TGDS: variants seen among roughly 807,000 people sequenced by gnomAD.
TGDS encodes UDP-D-glucose 4,6-dehydratase.
Under a neutral mutation model 52.3 loss-of-function variants are expected in TGDS, and 47 were observed. The ratio of observed to expected loss-of-function variants is 0.90; its 90% CI spans 0.71 to 1.15. The LOEUF is 1.15. TGDS is among the 50% of genes most tolerant of loss of function. The pLI, the probability that TGDS is intolerant of heterozygous loss-of-function variation, is 0.00. For synonymous variants in TGDS, 115 were observed against 136.9 expected (o/e 0.84, Z 1.12); for missense variants, 375 against 418.4 (o/e 0.90, Z 0.90).
intron 4 of TGDS, among the ~76,000 whole-genome samples, chr13:94,586,878 C>G (rs1037421797): frequency 2.0e-5 from 3 of 151,354 alleles, no homozygotes; most frequent in Admixed American, 6.6e-5. Context: ...CTCACCTCAG[C>G]CTCCCAAGTA....
intron 4 of TGDS, 101 bp from the exon 5 acceptor site, chr13:94,583,337 T>C (rs1403663540): frequency 4.1e-6 from 5 of 1,209,170 alleles, no homozygotes; most frequent in Non-Finnish European, 4.5e-6. Context: ...TCACTGTTCT[T>C]CATTTACCAC....
intron 6 of TGDS, 52 bp from the exon 7 acceptor site, chr13:94,580,005 T>C: frequency 3.3e-6 from 4 of 1,224,942 alleles, no homozygotes; most frequent in East Asian, 4.8e-5. Flanking sequence ...ATAATAATGA[T>C]TATTTTAAAG....
chr13:94,578,116 A>C lies in TGDS; in HGVS notation c.714T>G (p.Val238=), dbSNP rs143780872. ...TGAGGACAGTGAGAAATGCTTCTAC[A>C]ACATCAGTAGCATAAAGGAAGTTTC... The part of the protein sequence containing the change: ...QTRNFLYATD[V]VEAFLTVLKK... Residue 238 remains valine, a synonymous_variant, in exon 9 of 12, where the codon GTT becomes GTG. Coordinates refer to ENST00000261296, the MANE Select transcript of TGDS (RefSeq NM_014305.4). 63 of 1,613,866 alleles carry C rather than the reference A, an allele frequency of 3.9e-5. No homozygotes were observed. The African/African-American group carries it at 6.9e-4, about 18-fold the overall frequency.
At chr13:94,578,221 C>T (rs754971764) in intron 8 of TGDS, 51 bp from the exon 9 acceptor site, 22 of 1,566,358 alleles carry the variant, frequency 1.4e-5, no homozygotes, top group Non-Finnish European at 7.0e-6. Flanking sequence ...GGTAAACTCT[C>T]CTAAAGCATT....
At position 94,578,141 on chromosome 13, in the gene TGDS, C is replaced by CT; in HGVS notation, c.688dup (p.Arg230LysfsTer8). 6.2e-7 allele frequency: 1 copy of CT among 1,613,698 alleles called. No homozygotes were observed. The highest frequency in any genetic ancestry group is 8.5e-7 in the Non-Finnish European group (1 of 1,179,818). On this transcript the variant is annotated frameshift_variant, in exon 9 of 12. Transcript: ENST00000261296. LOFTEE classifies it high-confidence loss of function. ...AACATCAGTAGCATAAAGGAAGTTTCTTGTTTGAAGCCCTGACCCATGAAT... is the reference window on the plus strand; with the variant it reads ...AACATCAGTAGCATAAAGGAAGTTTCTTTGTTTGAAGCCCTGACCCATGAAT...
At chr13:94,590,473 T>C (rs1015359458) in intron 4 of TGDS, among the ~76,000 whole-genome samples, 1 of 152,066 alleles carries the variant, frequency 6.6e-6, no homozygotes, top group Non-Finnish European at 1.5e-5. Flanking sequence ...TTATATTTCA[T>C]AATAAAACTG....
intron 4 of TGDS, among the ~76,000 whole-genome samples, chr13:94,586,146 C>T (rs751375042): frequency 2.0e-5 from 3 of 151,868 alleles, no homozygotes; most frequent in Non-Finnish European, 4.4e-5. Context: ...GAAAAGAAAG[C>T]GTACAGTAAG....
intron 3 of TGDS, among the ~76,000 whole-genome samples, chr13:94,591,679 A>G (rs960475194): frequency 2.6e-5 from 4 of 152,224 alleles, no homozygotes; most frequent in Non-Finnish European, 5.9e-5. Flanking sequence ...TAATGTTTAT[A>G]TGTACATTTA....
Position 94,576,396 on chromosome 13 carries a change from C to G in TGDS, c.900G>C (p.Met300Ile). The change falls in exon 11 of 12, where the codon ATG (methionine) becomes ATC (isoleucine). Residue 300 changes from methionine (M) to isoleucine (I), a missense_variant. Physicochemically the swap from Met to Ile is conservative, Grantham distance 10 (BLOSUM62 1). Coordinates refer to ENST00000261296, the MANE Select transcript of TGDS (RefSeq NM_014305.4). ...TTTTTTCTGACTTCATTGGGTATCT[C>G]ATGTCATTGGTGGGTCTTGGAAAAC... ...DYVNDRPTND[M>I]RYPMKSEKIH... 3.8e-6 allele frequency: 6 copies of G among 1,594,628 alleles called. No individual in the cohort carries two copies. Among genetic ancestry groups the G allele is most frequent in the Non-Finnish European group, 5.1e-6 (6 of 1,170,430 alleles).
At chr13:94,588,611 C>T (rs1177513486) in intron 4 of TGDS, among the ~76,000 whole-genome samples, 1 of 151,910 alleles carries the variant, frequency 6.6e-6, no homozygotes, top group Non-Finnish European at 1.5e-5. Flanking sequence ...GATATACTAA[C>T]AAAGAGAGGG....
chr13:94,580,659 G>C (rs1160176536), intron 6 of TGDS, among the ~76,000 whole-genome samples: 4 of 152,102 alleles, frequency 2.6e-5, no homozygotes, highest in Admixed American at 6.6e-5. Context: ...GACTATAGCT[G>C]TAACACTCTA....
intron 4 of TGDS, among the ~76,000 whole-genome samples, chr13:94,584,571 A>G (rs9556403): frequency 0.33 from 50,302 of 152,160 alleles, 9,700 homozygotes; most frequent in East Asian, 0.56. Flanking sequence ...TTGTTAACTG[A>G]AAAAGCCTTG....
chr13:94,578,187 A>C lies in TGDS; in HGVS notation c.660-17T>G, dbSNP rs772313157. On this transcript the variant is annotated splice_polypyrimidine_tract_variant and intron_variant, in intron 8 of 11. Transcript: ENST00000261296. ...TGAATGCAACTAAAGAGATTAAACG[A>C]AGTGAAATCATAAAGTGTAAAAAGG... 5 of 1,611,626 alleles carry C rather than the reference A, an allele frequency of 3.1e-6. No individual in the cohort carries two copies. The highest frequency in any genetic ancestry group is 4.2e-6 in the Non-Finnish European group (5 of 1,179,052).
At position 94,589,618 on chromosome 13, in the gene TGDS, T is replaced by C. The variant is rs556749879; in HGVS notation, c.313+1235A>G. Among the ~76,000 whole-genome samples the C allele has an allele frequency of 3.9e-5, 6 of 152,098 alleles. No homozygotes were observed. In the South Asian group the frequency reaches 1.2e-3, roughly 32 times the overall value. ...CGTGAGCCACCGCTCCCGGCCAAAATGGACAAAAGATTTCAACAGCATTTC... is the reference window on the plus strand; with the variant it reads ...CGTGAGCCACCGCTCCCGGCCAAAACGGACAAAAGATTTCAACAGCATTTC... On this transcript the variant is annotated intron_variant, in intron 4 of 11. Transcript: ENST00000261296.
rs1487481097 is a variant in TGDS at position 94,592,190 on chromosome 13, A to C, written c.222+51T>G. 3 of 1,360,522 alleles carry C rather than the reference A, an allele frequency of 2.2e-6. No homozygotes were observed. The Admixed American group carries it at 6.6e-5, about 30-fold the overall frequency. The allele number at this position is 1,360,522 out of a possible 1,614,324, so 84.3% of individuals were successfully genotyped here. A position where few individuals can be genotyped will look rare whatever the true frequency, so the allele number is the denominator to read the frequency against. ...GTTTGTAAAGTACAAAGATACTATA[A>C]TCTCTGCATGACTAAAGAGGCACGG... On this transcript the variant is annotated intron_variant, in intron 3 of 11. Transcript: ENST00000261296.
chr13:94,577,967 A>G (rs753067114), intron 9 of TGDS, 38 bp downstream of exon 9: 15 of 1,591,194 alleles, frequency 9.4e-6, no homozygotes, highest in Middle Eastern at 1.8e-4. Flanking sequence ...TGCCACTAAC[A>G]ATTTTGAAAA....
chr13:94,584,104 A>T (rs747057596), intron 4 of TGDS, among the ~76,000 whole-genome samples: 1 of 152,210 alleles, frequency 6.6e-6, no homozygotes, highest in African/African-American at 2.4e-5. Context: ...GATGATGTAA[A>T]ATGTTTACAA....
intron 3 of TGDS, 45 bp downstream of exon 3, chr13:94,592,196 G>A: frequency 7.1e-7 from 1 of 1,409,020 alleles, no homozygotes; most frequent in Non-Finnish European, 9.8e-7. Flanking sequence ...TATAATCTCT[G>A]CATGACTAAA....
At position 94,578,053 on chromosome 13, in the gene TGDS, G is replaced by C. The variant is rs770302364; in HGVS notation, c.777C>G (p.Thr259=). The part of the protein sequence containing the change: ...GKPGEIYNIG[T]NFEMSVVQLA... ...GCTGGACAACTGACATTTCAAAATT[G>C]GTTCCGATGTTATAAATTTCACCTG... The change falls in exon 9 of 12, where the codon ACC becomes ACG. Residue 259 remains threonine (T), a synonymous_variant. Coordinates refer to ENST00000261296, the MANE Select transcript of TGDS (RefSeq NM_014305.4). 4.3e-6 allele frequency: 7 copies of C among 1,613,712 alleles called. No homozygotes were observed. Among genetic ancestry groups the C allele is most frequent in the Non-Finnish European group, 5.1e-6 (6 of 1,179,880 alleles).
Sources: allele counts gnomAD v4.1 joint callset (sites outside exome capture counted in the v4.1 genomes callset), GRCh38; gene constraint gnomAD v4.1.1; transcripts MANE v1.5; gene names NCBI Gene and HGNC (gene_info 2026-07-23, HGNC 2026-07-21).